The following RRP1B variants were observed in gnomAD, a reference collection of about 807,000 sequenced individuals.
RRP1B encodes ribosomal RNA processing 1B, also known as ribosomal RNA processing protein 1 homolog B.
A neutral mutation model predicts 80.2 loss-of-function variants in RRP1B; 56 were observed. That is an observed-to-expected ratio of 0.70 (90% confidence interval 0.56 to 0.87). The LOEUF (loss-of-function observed/expected upper bound fraction) is 0.87. Ranked by LOEUF, RRP1B falls within the 40% of genes least tolerant of loss-of-function variation. The pLI, the probability that RRP1B is intolerant of heterozygous loss-of-function variation, is 0.00. For missense variants in RRP1B, 807 were observed against 939.8 expected (o/e 0.86, Z 1.85); for synonymous variants, 351 against 357.6 (o/e 0.98, Z 0.21).
chr21:43,688,360 C>T (rs2083073031), intron 13 of RRP1B, 120 bp downstream of exon 13: 2 of 1,216,248 alleles, frequency 1.6e-6, no homozygotes, highest in African/African-American at 3.1e-5. Flanking sequence ...GACTCAGCAG[C>T]AGTTAGAATA....
chr21:43,669,711 A>G (rs1425840114), intron 1 of RRP1B, among the ~76,000 whole-genome samples, 173 bp from the exon 2 acceptor site: 2 of 152,036 alleles, frequency 1.3e-5, no homozygotes, highest in South Asian at 2.1e-4. Flanking sequence ...CTGCAGGTAC[A>G]GTAGTAATTT....
At chr21:43,690,577 G>A (rs188307070) in intron 14 of RRP1B, 137 bp downstream of exon 14, 204 of 942,818 alleles carry the variant, frequency 2.2e-4, no homozygotes, top group African/African-American at 8.6e-4. Context: ...CAGGTTCCAC[G>A]GCCAGGGTAG....
chr21:43,687,069 G>T, intron 12 of RRP1B, 134 bp downstream of exon 12: 1 of 1,042,874 alleles, frequency 9.6e-7, no homozygotes, highest in African/African-American at 1.6e-5. Flanking sequence ...TTTAATGGCT[G>T]AGAGGTAAAG....
At position 43,691,408 on chromosome 21, in the gene RRP1B, T is replaced by A; in HGVS notation, c.2020-31T>A. Reference sequence around the variant, plus strand: ...AGCGCCTCCACTGCACTTGCGTCACTCCTTTTGTTCCTGTTATTTCTCTTC... The same window carrying A: ...AGCGCCTCCACTGCACTTGCGTCACACCTTTTGTTCCTGTTATTTCTCTTC... On this transcript the variant is annotated intron_variant, in intron 14 of 15. Transcript: ENST00000340648. This position sits in a 1 kb window ranked among gnomAD's most constrained non-coding sequence, Gnocchi z 4.2. 1 of 1,611,218 alleles carries A rather than the reference T, an allele frequency of 6.2e-7. No homozygotes were observed. The highest frequency in any genetic ancestry group is 8.5e-7 in the Non-Finnish European group (1 of 1,177,662).
At chr21:43,681,856 T>A (rs1002790472) in intron 8 of RRP1B, among the ~76,000 whole-genome samples, 3 of 152,110 alleles carry the variant, frequency 2.0e-5, no homozygotes, top group South Asian at 4.1e-4. Context: ...GAGGCTGAGC[T>A]GGGAGAATCA....
At chr21:43,676,235 G>A (rs143057983) in intron 6 of RRP1B, 37 bp from the exon 7 acceptor site, 1 of 1,455,298 alleles carries the variant, frequency 6.9e-7, no homozygotes, top group Non-Finnish European at 9.6e-7. Context: ...AGAAGGGAAA[G>A]GCTCTTTCTC....
At chr21:43,664,493 A>T (rs1204843262) in intron 1 of RRP1B, among the ~76,000 whole-genome samples, 1 of 152,196 alleles carries the variant, frequency 6.6e-6, no homozygotes, top group Non-Finnish European at 1.5e-5. Context: ...TAAATCTTTC[A>T]TATAGTATAG....
Position 43,670,047 on chromosome 21 carries a change from C to T in RRP1B, c.213+81C>T, listed in dbSNP as rs1000472106. 15 of 973,836 alleles carry T rather than the reference C, an allele frequency of 1.5e-5. No homozygotes were observed. In the Admixed American group the frequency reaches 3.0e-4, roughly 20 times the overall value. 60.3% of individuals were successfully genotyped at this position (973,836 alleles called of 1,614,324 possible). A position where few individuals can be genotyped will look rare whatever the true frequency, so the allele number is the denominator to read the frequency against. On this transcript the variant is annotated intron_variant, in intron 2 of 15. Transcript: ENST00000340648. ...ACTTGATCACTCATGCTGTGCCAGT[C>T]CCCCGATACACTGACGCACACTGAC...
At chr21:43,683,959 A>G (rs2083052982) in intron 9 of RRP1B, among the ~76,000 whole-genome samples, 1 of 125,042 alleles carries the variant, frequency 8.0e-6, no homozygotes, top group Admixed American at 8.8e-5. Context: ...AGCCTGGGTG[A>G]CAGACTCTGG....
intron 7 of RRP1B, 135 bp downstream of exon 7, chr21:43,676,471 C>T: frequency 1.3e-6 from 1 of 741,366 alleles, no homozygotes; most frequent in Non-Finnish European, 2.3e-6. Context: ...ACAGCCGAAG[C>T]TTTGAGCAGT....
At chr21:43,674,609 T>TG in intron 4 of RRP1B, 27 bp from the exon 5 acceptor site, 1 of 1,460,578 alleles carries the variant, frequency 6.8e-7, no homozygotes, top group Non-Finnish European at 9.3e-7. Context: ...TTTTTTTTTT[T>TG]TTTAAACAAA....
At chr21:43,687,022 C>T in intron 12 of RRP1B, 87 bp downstream of exon 12, 1 of 1,425,256 alleles carries the variant, frequency 7.0e-7, no homozygotes, top group Non-Finnish European at 9.6e-7. Flanking sequence ...TGAGCTCGTG[C>T]CGTCATAAAG....
At chr21:43,664,363 C>G (rs1040646188) in intron 1 of RRP1B, among the ~76,000 whole-genome samples, 1 of 149,894 alleles carries the variant, frequency 6.7e-6, no homozygotes, top group Non-Finnish European at 1.5e-5. Flanking sequence ...AAAAAGGGAA[C>G]AAAATGTAAA....
intron 15 of RRP1B, among the ~76,000 whole-genome samples, chr21:43,692,358 T>C (rs2083090352): frequency 6.6e-6 from 1 of 152,128 alleles, no homozygotes; most frequent in Non-Finnish European, 1.5e-5. Context: ...CCCAACACTT[T>C]GGGAGGCCAA....
intron 2 of RRP1B, among the ~76,000 whole-genome samples, chr21:43,670,349 C>T (rs1190723483): frequency 6.6e-6 from 1 of 152,240 alleles, no homozygotes; most frequent in Non-Finnish European, 1.5e-5. Context: ...GCAGCCGCGT[C>T]ACTGGGCTTC....
At chr21:43,669,280 C>T (rs936653810) in intron 1 of RRP1B, among the ~76,000 whole-genome samples, 6 of 152,200 alleles carry the variant, frequency 3.9e-5, no homozygotes, top group African/African-American at 1.2e-4. Flanking sequence ...GACTGGGAGG[C>T]AGCCACTTTT....
rs60372004 is a variant in RRP1B, at chr21:43,683,972, C to CAAAA, written c.892-566_892-563dup. Among the ~76,000 whole-genome samples, 484 of 88,938 alleles carry CAAAA rather than the reference C, an allele frequency of 5.4e-3. 15 individuals are homozygous for CAAAA. Among genetic ancestry groups the CAAAA allele is most frequent in the African/African-American group, 0.021 (464 of 21,680 alleles). 58.3% of individuals were successfully genotyped at this position (88,938 alleles called of 152,430 possible). ...CCAGCCTGGGTGACAGACTCTGGCT[C>CAAAA]AAAAAAAAAAAAAAAAAAGCACACC... On this transcript the variant is annotated intron_variant, in intron 9 of 15. Coordinates refer to ENST00000340648, the MANE Select transcript of RRP1B (RefSeq NM_015056.3).
At position 43,693,517 on chromosome 21, in the gene RRP1B, C is replaced by T. The variant is rs1601763928; in HGVS notation, c.*134C>T. On this transcript the variant is annotated 3_prime_UTR_variant, in exon 16 of 16. Transcript: ENST00000340648. This position sits in a 1 kb window ranked among gnomAD's most constrained non-coding sequence, Gnocchi z 4.1. ...GTGTGCACGAGGTTCTGAGAGTGCC[C>T]GCAGGCTGCTGCGTCCTGGCCCCTC... 1.6e-5 allele frequency: 14 copies of T among 873,332 alleles called. No individual in the cohort carries two copies. The highest frequency in any genetic ancestry group is 4.2e-5 in the South Asian group (2 of 48,018). 54.1% of individuals were successfully genotyped at this position (873,332 alleles called of 1,614,324 possible).
intron 11 of RRP1B, chr21:43,685,996 C>A: frequency 2.3e-6 from 1 of 436,554 alleles, no homozygotes. Context: ...TGGCGTGATC[C>A]TGTAGTCCCA....
Sources: allele counts gnomAD v4.1 joint callset (sites outside exome capture counted in the v4.1 genomes callset), GRCh38; gene constraint gnomAD v4.1.1; non-coding constraint Gnocchi (gnomAD v3.1); transcripts MANE v1.5; gene names NCBI Gene and HGNC (gene_info 2026-07-23, HGNC 2026-07-21).